The following STPG2 variants were observed in gnomAD, a reference collection of about 807,000 sequenced individuals.
The protein encoded by STPG2 is sperm tail PG-rich repeat containing 2, also known as sperm-tail PG-rich repeat-containing protein 2.
In STPG2, 56 loss-of-function variants were observed where a neutral mutation model predicts 54.2. The ratio of observed to expected loss-of-function variants is 1.03; its 90% confidence interval spans 0.83 to 1.29. The LOEUF (loss-of-function observed/expected upper bound fraction) is 1.29, where lower values mean the gene tolerates loss of function less well. STPG2 is among the 50% of genes most tolerant of loss of function. STPG2 has a pLI of 0.00. For synonymous variants in STPG2, 200 were observed against 181.8 expected, an observed-to-expected ratio of 1.10 and a Z score of -0.81; for missense variants, 596 against 544.9, an observed-to-expected ratio of 1.09 and a Z score of -0.93.
At chr4:97,574,496 T>A (rs546925123) in intron 10 of STPG2, among the ~76,000 whole-genome samples, 3 of 152,106 alleles carry the variant, frequency 2.0e-5, no homozygotes, top group African/African-American at 7.2e-5. Context: ...GATAATAAAC[T>A]GAGGGGAACT....
chr4:97,594,748 A>C (rs1389386089), intron 10 of STPG2, among the ~76,000 whole-genome samples: 1 of 152,218 alleles, frequency 6.6e-6, no homozygotes, highest in Non-Finnish European at 1.5e-5. Context: ...GAGAAGGGGC[A>C]GGTCACCATC....
At chr4:98,142,489 T>C (rs1362642126) in intron 1 of STPG2, among the ~76,000 whole-genome samples, 1 of 152,156 alleles carries the variant, frequency 6.6e-6, no homozygotes, top group African/African-American at 2.4e-5. Flanking sequence ...AAAATATAAT[T>C]TTTCTTTACA....
intron 5 of STPG2, among the ~76,000 whole-genome samples, chr4:98,044,916 T>C (rs1163893157): frequency 1.3e-5 from 2 of 152,042 alleles, no homozygotes; most frequent in African/African-American, 4.8e-5. Flanking sequence ...CCACACAAAA[T>C]TGTTTCCCAT....
At chr4:98,008,477 C>T (rs1735640153) in intron 5 of STPG2, among the ~76,000 whole-genome samples, 1 of 151,360 alleles carries the variant, frequency 6.6e-6, no homozygotes. Flanking sequence ...AAAGTCAATA[C>T]TCACCATCAT....
At chr4:97,541,275 C>T (rs1731696779) in intron 4 of STPG2, among the ~76,000 whole-genome samples, 1 of 152,102 alleles carries the variant, frequency 6.6e-6, no homozygotes, top group Non-Finnish European at 1.5e-5. Context: ...AGCAAAGTCT[C>T]AGGATACAAA....
At chr4:97,485,484 G>T (rs1730330906) in intron 4 of STPG2, among the ~76,000 whole-genome samples, 1 of 151,444 alleles carries the variant, frequency 6.6e-6, no homozygotes. Flanking sequence ...AAAAACTTAG[G>T]AATATACTTA....
At chr4:97,832,799 A>G (rs956366390) in intron 9 of STPG2, among the ~76,000 whole-genome samples, 4 of 152,206 alleles carry the variant, frequency 2.6e-5, no homozygotes. Flanking sequence ...AATACAACTG[A>G]CAAGAAATGT....
intron 9 of STPG2, among the ~76,000 whole-genome samples, chr4:97,719,009 G>C (rs1162037523): frequency 2.0e-5 from 3 of 151,924 alleles, no homozygotes; most frequent in Non-Finnish European, 4.4e-5. Flanking sequence ...ATACATTTCA[G>C]ATTTTGGATT....
intron 10 of STPG2, among the ~76,000 whole-genome samples, chr4:97,693,980 C>G (rs991795212): frequency 6.6e-6 from 1 of 152,074 alleles, no homozygotes; most frequent in Non-Finnish European, 1.5e-5. Context: ...AATAGTGACA[C>G]AACCTATCAA....
chr4:97,476,231 A>G (rs1697626958), intron 4 of STPG2, among the ~76,000 whole-genome samples: 1 of 152,108 alleles, frequency 6.6e-6, no homozygotes, highest in Non-Finnish European at 1.5e-5. Flanking sequence ...ACAAACTTCT[A>G]TAGTTTTCTT....
chr4:97,636,829 C>G (rs1721557051), intron 10 of STPG2, among the ~76,000 whole-genome samples: 1 of 151,642 alleles, frequency 6.6e-6, no homozygotes, highest in Admixed American at 6.6e-5. Flanking sequence ...ATAACAGGAT[C>G]TGAAATTGTG....
chr4:97,938,817 T>A (rs932048629), intron 8 of STPG2, among the ~76,000 whole-genome samples: 56 of 151,980 alleles, frequency 3.7e-4, no homozygotes, highest in East Asian at 1.9e-4. Flanking sequence ...AGAACCTGGA[T>A]ACCTTGGTTG....
chr4:97,743,119 C>T (rs1725316696), intron 9 of STPG2, among the ~76,000 whole-genome samples: 1 of 151,528 alleles, frequency 6.6e-6, no homozygotes, highest in African/African-American at 2.4e-5. Flanking sequence ...GTAAGAAAAG[C>T]AATTCTAGTT....
At chr4:97,831,300 A>C (rs1176861144) in intron 9 of STPG2, among the ~76,000 whole-genome samples, 4 of 152,212 alleles carry the variant, frequency 2.6e-5, no homozygotes, top group Admixed American at 2.6e-4. Context: ...TGAAGGCAGA[A>C]ATAAAGATGT....
At chr4:97,612,540 C>T (rs537046688) in intron 10 of STPG2, among the ~76,000 whole-genome samples, 3 of 152,124 alleles carry the variant, frequency 2.0e-5, no homozygotes, top group South Asian at 2.1e-4. Context: ...GGGAACAGAA[C>T]GATGAACATA....
At chr4:98,015,128 AT>A (rs1162242890) in intron 5 of STPG2, among the ~76,000 whole-genome samples, 2 of 152,208 alleles carry the variant, frequency 1.3e-5, no homozygotes, top group African/African-American at 4.8e-5. Context: ...AAGCAATACC[AT>A]TCAGGACATA....
chr4:97,570,027 T>C (rs1485946320), intron 10 of STPG2, among the ~76,000 whole-genome samples: 1 of 151,978 alleles, frequency 6.6e-6, no homozygotes, highest in Non-Finnish European at 1.5e-5. Flanking sequence ...CATAAGGAAA[T>C]ACCAGAAAAA....
intron 7 of STPG2, among the ~76,000 whole-genome samples, chr4:97,951,531 T>C (rs1733470503): frequency 6.6e-6 from 1 of 152,192 alleles, no homozygotes; most frequent in South Asian, 2.1e-4. Context: ...ACTGTGACTT[T>C]AAAGCTTATA....
intron 7 of STPG2, among the ~76,000 whole-genome samples, chr4:97,966,931 C>T (rs938231349): frequency 6.6e-6 from 1 of 152,116 alleles, no homozygotes; most frequent in African/African-American, 2.4e-5. Context: ...ACCATCAATG[C>T]TAGGAAGAAA....
Sources: gnomAD v4.1 joint callset for allele counts (sites outside exome capture counted in the v4.1 genomes callset) on GRCh38, gnomAD v4.1.1 for gene constraint, MANE v1.5 for transcripts, NCBI Gene and HGNC (gene_info 2026-07-23, HGNC 2026-07-21) for gene names.